SLC6A14: variants seen among roughly 807,000 people sequenced by gnomAD.
SLC6A14 encodes solute carrier family 6 member 14, also known as sodium- and chloride-dependent neutral and basic amino acid transporter B(0+).
In SLC6A14, 21 loss-of-function variants were observed where a neutral mutation model predicts 51.4. That is an observed-to-expected ratio of 0.41 (90% confidence interval 0.29 to 0.59). The LOEUF is 0.59. Ranked by LOEUF, SLC6A14 falls within the 20% of genes least tolerant of loss-of-function variation. The pLI is 0.31. For missense variants in SLC6A14, 371 were observed against 472.8 expected, an observed-to-expected ratio of 0.78 and a Z score of 2.00; for synonymous variants, 177 against 160.7, an observed-to-expected ratio of 1.10 and a Z score of -0.77.
At chrX:116,458,150 T>C (rs1029076794) in intron 13 of SLC6A14, among the ~76,000 whole-genome samples, 1 of 111,603 alleles carries the variant, frequency 9.0e-6, no homozygotes, top group South Asian at 3.8e-4. Context: ...CCATAGTCAC[T>C]GCTTTTAAAC....
chrX:116,451,165 A>G (rs1333585111), intron 7 of SLC6A14, among the ~76,000 whole-genome samples: 1 of 111,511 alleles, frequency 9.0e-6, no homozygotes, highest in Non-Finnish European at 1.9e-5. Context: ...ATTCCAAAAC[A>G]AAACATTCAA....
chrX:116,441,386 C>A (rs782796718), intron 3 of SLC6A14, among the ~76,000 whole-genome samples: 70 of 112,094 alleles, frequency 6.2e-4, no homozygotes, highest in Middle Eastern at 4.6e-3. Context: ...CTATTTTCAC[C>A]CTGTGAATTC....
rs1927903305 is a variant in SLC6A14 at position 116,455,077 on chromosome X, G to C, written c.1504+1G>C. 1 of 1,118,399 alleles carries C rather than the reference G, an allele frequency of 8.9e-7. No homozygotes were observed. Among genetic ancestry groups the C allele is most frequent in the Admixed American group, 2.2e-5 (1 of 44,447 alleles). The allele number at this position is 1,118,399 out of a possible 1,213,427, so 92.2% of individuals were successfully genotyped here. On this transcript the variant is annotated splice_donor_variant, in intron 11 of 13. Transcript: ENST00000598581. LOFTEE classifies it high-confidence loss of function. ...CTAGTTGGAATCATCTGGATTTATG[G>C]TAAATAGTAACTATAAAATTATTTT... is the stretch of plus-strand genomic sequence containing the variant.
At chrX:116,442,597 T>C in intron 3 of SLC6A14, 90 bp from the exon 4 acceptor site, 1 of 708,068 alleles carries the variant, frequency 1.4e-6, no homozygotes, top group Non-Finnish European at 2.0e-6. Context: ...AAATAGATTT[T>C]GTGGTAATTG....
At position 116,437,948 on chromosome X, in the gene SLC6A14, T is replaced by C. The variant is rs150694822; in HGVS notation, c.207T>C (p.Asn69=). The change falls in exon 2 of 14, where the codon AAT becomes AAC. Residue 69 remains asparagine, a synonymous_variant. Transcript: ENST00000598581. ...GATTTCCATATCTGACCTACAGCAATGGTGGAGGTATTCTATTTCACCCCC... is the reference window on the plus strand; with the variant it reads ...GATTTCCATATCTGACCTACAGCAACGGTGGAGGTATTCTATTTCACCCCC... The part of the protein sequence containing the change: ...VWRFPYLTYS[N]GGGAFLIPYA... 8.1e-5 allele frequency: 97 copies of C among 1,201,440 alleles called. No individual in the cohort carries two copies. The highest frequency in any genetic ancestry group is 8.0e-5 in the Non-Finnish European group (71 of 890,268).
At chrX:116,444,496 G>C (rs138175534) in intron 5 of SLC6A14, among the ~76,000 whole-genome samples, 1,931 of 111,713 alleles carry the variant, frequency 0.017, 44 homozygotes, top group African/African-American at 0.06. Context: ...TGAGTTTGAT[G>C]ATATCTATAA....
At chrX:116,443,851 C>A (rs1306239232) in intron 5 of SLC6A14, 61 bp downstream of exon 5, 4 of 875,923 alleles carry the variant, frequency 4.6e-6, no homozygotes, top group Non-Finnish European at 4.7e-6. Context: ...TACAAAACAA[C>A]AAAACATTAA....
At chrX:116,447,471 T>A (rs2147387969) in intron 7 of SLC6A14, among the ~76,000 whole-genome samples, 1 of 112,296 alleles carries the variant, frequency 8.9e-6, no homozygotes, top group Non-Finnish European at 1.9e-5. Flanking sequence ...TGCCTTCAGA[T>A]AATGGCTGAA....
chrX:116,458,218 A>G (rs1556694912), intron 13 of SLC6A14, among the ~76,000 whole-genome samples: 1 of 111,690 alleles, frequency 9.0e-6, no homozygotes, highest in Non-Finnish European at 1.9e-5. Context: ...AAGCCTGGTA[A>G]ATATCTCGAA....
intron 12 of SLC6A14, among the ~76,000 whole-genome samples, chrX:116,457,125 A>G (rs1369571970): frequency 3.6e-5 from 4 of 111,647 alleles, no homozygotes; most frequent in African/African-American, 1.3e-4. Context: ...GTGCAGTGGG[A>G]AAGAATAGAA....
intron 2 of SLC6A14, among the ~76,000 whole-genome samples, chrX:116,439,419 T>C (rs1382836987): frequency 9.0e-6 from 1 of 111,405 alleles, no homozygotes; most frequent in Non-Finnish European, 1.9e-5. Context: ...AAATGCGAAT[T>C]AGGTTTAAAA....
At chrX:116,444,793 C>A (rs1927671857) in intron 5 of SLC6A14, 125 bp from the exon 6 acceptor site, 1 of 688,218 alleles carries the variant, frequency 1.5e-6, no homozygotes. Context: ...GCTCACCGAA[C>A]TTTGATATAT....
In SLC6A14 at chrX:116,451,521, A is replaced by G. The variant is rs1422454164; in HGVS notation, c.1010A>G (p.Asn337Ser). ...GGCTTAGTTGCTCTATCATCTTACAATAAGTTCAAAAACAACTGCTTCTCT... is the reference window on the plus strand; with the variant it reads ...GGCTTAGTTGCTCTATCATCTTACAGTAAGTTCAAAAACAACTGCTTCTCT... ...WGGLVALSSY[N>S]KFKNNCFSDA... The change falls in exon 8 of 14, where the codon AAT becomes AGT. Residue 337 changes from asparagine to serine, a missense_variant. Asn to Ser is a conservative substitution (Grantham distance 46, BLOSUM62 1). Coordinates refer to ENST00000598581, the MANE Select transcript of SLC6A14 (RefSeq NM_007231.5). 3.8e-5 allele frequency: 46 copies of G among 1,208,631 alleles called. No homozygotes were observed. Among genetic ancestry groups the G allele is most frequent in the Non-Finnish European group, 4.9e-5 (44 of 894,333 alleles).
intron 3 of SLC6A14, 39 bp downstream of exon 3, chrX:116,441,136 C>T: frequency 8.5e-7 from 1 of 1,178,514 alleles, no homozygotes; most frequent in Non-Finnish European, 1.1e-6. Flanking sequence ...AAAGCATTTT[C>T]TTCACCATGC....
chrX:116,457,277 T>C (rs1556694839), intron 12 of SLC6A14, among the ~76,000 whole-genome samples: 1 of 111,634 alleles, frequency 9.0e-6, no homozygotes, highest in African/African-American at 3.2e-5. Context: ...AAAAGCTCAA[T>C]AACAGAAAAT....
At chrX:116,448,049 A>C (rs1356368663) in intron 7 of SLC6A14, among the ~76,000 whole-genome samples, 1 of 112,439 alleles carries the variant, frequency 8.9e-6, no homozygotes, top group Non-Finnish European at 1.9e-5. Context: ...TTAGTTTGCT[A>C]TAGTATTCTT....
At position 116,443,510 on chromosome X, in the gene SLC6A14, A is replaced by G. The variant is rs1043613737; in HGVS notation, c.509-133A>G. The G allele has an allele frequency of 4.7e-5, 20 of 428,865 alleles. 1 individual carries two copies. The Admixed American group carries it at 1.1e-3, about 23-fold the overall frequency. 35.3% of individuals were successfully genotyped at this position (428,865 alleles called of 1,213,427 possible). Reference sequence around the variant, plus strand: ...ATGTACATAGCTTATTCCATCTGTAAGATTTCTACTCCACTTTTTTCAAGT... The same window carrying G: ...ATGTACATAGCTTATTCCATCTGTAGGATTTCTACTCCACTTTTTTCAAGT... On this transcript the variant is annotated intron_variant, in intron 4 of 13. Transcript: ENST00000598581.
intron 2 of SLC6A14, among the ~76,000 whole-genome samples, chrX:116,439,226 C>A (rs1408323361): frequency 1.8e-5 from 2 of 110,844 alleles, no homozygotes; most frequent in Non-Finnish European, 3.8e-5. Context: ...AAAATATAGC[C>A]AAAACAAAAA....
rs1927852034 is a variant in SLC6A14, at chrX:116,453,027, G to A, written c.1170G>A (p.Leu390=). The A allele has an allele frequency of 1.4e-5, 17 of 1,183,767 alleles. No homozygotes were observed. The highest frequency in any genetic ancestry group is 1.9e-5 in the Non-Finnish European group (17 of 879,767). Reference sequence around the variant, plus strand: ...ATACATGTTTCGTAGGTTTTGATTTGGCATTCATTGCCTATCCAGAGGCTC... The same window carrying A: ...ATACATGTTTCGTAGGTTTTGATTTAGCATTCATTGCCTATCCAGAGGCTC... The part of the protein sequence containing the change: ...VSQVVKSGFD[L]AFIAYPEALA... The change falls in exon 9 of 14, where the codon TTG becomes TTA. Residue 390 remains leucine (L), a synonymous_variant. Transcript: ENST00000598581.
Sources: allele counts gnomAD v4.1 joint callset (sites outside exome capture counted in the v4.1 genomes callset), GRCh38; gene constraint gnomAD v4.1.1; transcripts MANE v1.5; gene names NCBI Gene and HGNC (gene_info 2026-07-23, HGNC 2026-07-21).